TEX36: variants seen among roughly 807,000 people sequenced by gnomAD.
TEX36 encodes the protein testis-expressed protein 36.
A neutral mutation model predicts 13.6 loss-of-function variants in TEX36; 12 were observed. The observed-to-expected ratio is 0.88, with a 90% CI of 0.56 to 1.43. TEX36 has a LOEUF of 1.43. Among genes scored for constraint, TEX36 ranks in the 40% most tolerant of loss-of-function variants. The pLI is 0.00. For missense variants in TEX36, 224 were observed against 228.3 expected (o/e 0.98, Z 0.12); for synonymous variants, 93 against 83.0 (o/e 1.12, Z -0.65).
chr10:125,627,720 G>A (rs928198590), intron 3 of TEX36, among the ~76,000 whole-genome samples: 1 of 151,996 alleles, frequency 6.6e-6, no homozygotes, highest in Non-Finnish European at 1.5e-5. Flanking sequence ...ACAACTCCAG[G>A]GGACACCATT....
In TEX36 at chr10:125,621,656, GA is replaced by G. The variant is rs908512305; in HGVS notation, c.265-12del. On this transcript the variant is annotated splice_polypyrimidine_tract_variant and intron_variant, in intron 3 of 3. Coordinates refer to the TEX36 transcript ENST00000526819. ...TAGGCCATCTGCAAACTGGGAAAGA[GA>G]AAAGCCAGCAGTAGCTCAGTTCAAG... 44 of 456,026 alleles carry G rather than the reference GA, an allele frequency of 9.6e-5. 2 individuals are homozygous for G. Among genetic ancestry groups the G allele is most frequent in the Admixed American group, 8.5e-4 (36 of 42,574 alleles). 28.2% of individuals were successfully genotyped at this position (456,026 alleles called of 1,614,324 possible). A position where few individuals can be genotyped will look rare whatever the true frequency, so the allele number is the denominator to read the frequency against.
chr10:125,626,708 G>C (rs1035976290), intron 3 of TEX36, among the ~76,000 whole-genome samples: 1 of 152,144 alleles, frequency 6.6e-6, no homozygotes, highest in East Asian at 1.9e-4. Context: ...CTGGGGAGGT[G>C]GGAACTCGGA....
chr10:125,667,269 G>A, intron 1 of TEX36: 1 of 626,910 alleles, frequency 1.6e-6, no homozygotes, highest in South Asian at 1.5e-5. Flanking sequence ...GGTTCAGCAA[G>A]ATGCCCTCCA....
chr10:125,656,547 C>T (rs536481030), intron 3 of TEX36, among the ~76,000 whole-genome samples: 65 of 152,162 alleles, frequency 4.3e-4, no homozygotes, highest in African/African-American at 1.4e-3. Flanking sequence ...CATGAGCCAC[C>T]GTGCCCAGCC....
At chr10:125,676,865 G>A (rs1024882518) in intron 1 of TEX36, among the ~76,000 whole-genome samples, 1 of 152,112 alleles carries the variant, frequency 6.6e-6, no homozygotes, top group Non-Finnish European at 1.5e-5. Context: ...GATCCCTTGA[G>A]TATTTCTCAA....
chr10:125,581,586 T>C (rs1845883526), intron 3 of TEX36, among the ~76,000 whole-genome samples: 1 of 152,220 alleles, frequency 6.6e-6, no homozygotes, highest in Non-Finnish European at 1.5e-5. Flanking sequence ...AGTCAGCTTT[T>C]AGGGAACCCA....
At chr10:125,581,712 C>T (rs994479549) in intron 3 of TEX36, among the ~76,000 whole-genome samples, 1 of 152,162 alleles carries the variant, frequency 6.6e-6, no homozygotes, top group Non-Finnish European at 1.5e-5. Flanking sequence ...AACAAAGAAT[C>T]ATGAAACAGA....
intron 1 of TEX36, among the ~76,000 whole-genome samples, chr10:125,670,153 T>C (rs1332960779): frequency 6.6e-6 from 1 of 152,248 alleles, no homozygotes; most frequent in Admixed American, 6.5e-5. Flanking sequence ...TGGTTCTAAG[T>C]CTTTGAGGAA....
intron 3 of TEX36, among the ~76,000 whole-genome samples, chr10:125,637,931 C>G (rs1314822297): frequency 6.6e-6 from 1 of 152,060 alleles, no homozygotes; most frequent in Admixed American, 6.5e-5. Context: ...CAGACCACCC[C>G]CCTGCTGCCG....
intron 3 of TEX36, 58 bp downstream of exon 3, chr10:125,660,963 A>G: frequency 1.4e-6 from 2 of 1,444,498 alleles, no homozygotes; most frequent in South Asian, 1.2e-5. Flanking sequence ...CACCCCAGAA[A>G]ATCAAGATCC....
At chr10:125,586,681 C>G (rs1317467715) in intron 3 of TEX36, among the ~76,000 whole-genome samples, 1 of 149,268 alleles carries the variant, frequency 6.7e-6, no homozygotes, top group Non-Finnish European at 1.5e-5. Flanking sequence ...GTGTCACACA[C>G]TTGTAGTCCC....
downstream of TEX36, among the ~76,000 whole-genome samples, chr10:125,620,971 TA>T (rs925509940): frequency 1.3e-5 from 2 of 152,204 alleles, no homozygotes; most frequent in Non-Finnish European, 2.9e-5. Context: ...CTTCCTTTTT[TA>T]AAGCTAAATA....
downstream of TEX36, chr10:125,655,575 T>C (rs1846925455): frequency 3.0e-6 from 2 of 660,610 alleles, no homozygotes; most frequent in Non-Finnish European, 3.9e-6. Flanking sequence ...TCTGAGGACA[T>C]ACAGGATTGG....
intron 3 of TEX36, among the ~76,000 whole-genome samples, chr10:125,579,895 A>G (rs1477288749): frequency 4.6e-5 from 7 of 152,122 alleles, no homozygotes; most frequent in African/African-American, 1.2e-4. Flanking sequence ...TCCCTTCTTT[A>G]TAAATTACCT....
At chr10:125,669,951 A>G (rs1847196211) in intron 1 of TEX36, among the ~76,000 whole-genome samples, 1 of 152,214 alleles carries the variant, frequency 6.6e-6, no homozygotes, top group Non-Finnish European at 1.5e-5. Context: ...ATGGCTGCAT[A>G]ATATTCCGTG....
At chr10:125,632,742 G>A (rs947402024) in intron 3 of TEX36, among the ~76,000 whole-genome samples, 4 of 152,136 alleles carry the variant, frequency 2.6e-5, no homozygotes, top group African/African-American at 7.2e-5. Flanking sequence ...AACTAGTTCC[G>A]TCCGCTTTTC....
downstream of TEX36, among the ~76,000 whole-genome samples, chr10:125,650,723 GA>G (rs1420008777): frequency 6.6e-6 from 1 of 151,982 alleles, no homozygotes; most frequent in Non-Finnish European, 1.5e-5. Flanking sequence ...CTGGCTTTTT[GA>G]AAAGATCAAC....
rs1160485031 is a variant in TEX36 at position 125,596,505 on chromosome 10, C to G, written c.265-19631G>C. Among the ~76,000 whole-genome samples, 6 of 152,304 alleles carry G rather than the reference C, an allele frequency of 3.9e-5. No homozygotes were observed. In the East Asian group the frequency reaches 1.2e-3, roughly 29 times the overall value. On this transcript the variant is annotated intron_variant, in intron 3 of 3. Transcript: ENST00000532135. ...TGGAAAAGATGAGAAAATGGATTCT[C>G]TCCTAGAGCCTCCAGAGGAAGCACA... is the stretch of plus-strand genomic sequence containing the variant.
At chr10:125,603,951 T>G (rs1846181630) in intron 3 of TEX36, among the ~76,000 whole-genome samples, 1 of 152,166 alleles carries the variant, frequency 6.6e-6, no homozygotes, top group Non-Finnish European at 1.5e-5. Context: ...TGTAAGAACT[T>G]GGGCCCTAGG....
Sources: allele counts gnomAD v4.1 joint callset (sites outside exome capture counted in the v4.1 genomes callset), GRCh38; gene constraint gnomAD v4.1.1; transcripts MANE v1.5; gene names NCBI Gene and HGNC (gene_info 2026-07-23, HGNC 2026-07-21).